Variants in LRRC8D observed in about 807,000 individuals in gnomAD.
LRRC8D encodes leucine rich repeat containing 8 VRAC subunit D.
In LRRC8D, 20 loss-of-function variants were observed where a neutral mutation model predicts 55.8. The observed-to-expected ratio is 0.36, with a 90% CI of 0.25 to 0.52. The LOEUF (loss-of-function observed/expected upper bound fraction) is 0.52. LRRC8D is among the 20% of genes least tolerant of loss of function. The probability of loss-of-function intolerance (pLI) is 0.93; values close to 1 mark genes in which losing one functional copy is unlikely to be tolerated. For missense variants in LRRC8D, 651 were observed against 1,030.8 expected, an observed-to-expected ratio of 0.63 and a Z score of 5.05; for synonymous variants, 352 against 377.0, an observed-to-expected ratio of 0.93 and a Z score of 0.77.
chr1:89,852,781 A>C (rs1265624929), intron 2 of LRRC8D, among the ~76,000 whole-genome samples: 2 of 152,148 alleles, frequency 1.3e-5, no homozygotes, highest in African/African-American at 4.8e-5. Flanking sequence ...CAGACTGAGG[A>C]AACAGCCCAG....
At chr1:89,846,039 A>G (rs1450409758) in intron 2 of LRRC8D, among the ~76,000 whole-genome samples, 2 of 152,142 alleles carry the variant, frequency 1.3e-5, no homozygotes, top group Non-Finnish European at 2.9e-5. Context: ...TCGGCCTCCC[A>G]AAGTGCTGGG....
chr1:89,870,470 T>C (rs1661978047), intron 2 of LRRC8D, among the ~76,000 whole-genome samples: 1 of 151,848 alleles, frequency 6.6e-6, no homozygotes, highest in African/African-American at 2.4e-5. Context: ...AGCGAGACCC[T>C]GTATCAAAAA....
At chr1:89,893,807 GT>G (rs1248514479) in intron 2 of LRRC8D, among the ~76,000 whole-genome samples, 2 of 152,204 alleles carry the variant, frequency 1.3e-5, no homozygotes, top group Admixed American at 6.5e-5. Flanking sequence ...AAACTAAAGA[GT>G]TTTTTAGATG....
chr1:89,933,723 G>A lies in LRRC8D; in HGVS notation c.655G>A (p.Glu219Lys), dbSNP rs1290881348. 3.1e-6 allele frequency: 5 copies of A among 1,614,134 alleles called. No homozygotes were observed. Among genetic ancestry groups the A allele is most frequent in the South Asian group, 2.2e-5 (2 of 91,078 alleles). Reference protein sequence around the residue: ...TTKALSETACEDSEENKQRIT... With the variant: ...TTKALSETACKDSEENKQRIT... ...AAAAGCGTTGTCTGAGACAGCATGC[G>A]AAGACTCAGAGGAAAACAAGCAGAG... The change falls in exon 3 of 3, where the codon GAA becomes AAA. Residue 219 changes from glutamate to lysine, a missense_variant. This residue lies in a region of LRRC8D where 178 missense variants were observed against 374.9 expected (regional missense o/e 0.47). Coordinates refer to ENST00000337338, the MANE Select transcript of LRRC8D (RefSeq NM_001134479.2). This position sits in a 1 kb window ranked among gnomAD's most constrained non-coding sequence, Gnocchi z 7.0.
chr1:89,823,949 C>G (rs1197519758), intron 1 of LRRC8D, among the ~76,000 whole-genome samples: 2 of 152,140 alleles, frequency 1.3e-5, no homozygotes, highest in Non-Finnish European at 2.9e-5. Flanking sequence ...GAACCTAGTT[C>G]GTGAAAAACT....
intron 2 of LRRC8D, among the ~76,000 whole-genome samples, chr1:89,905,738 A>G (rs1400764389): frequency 6.6e-6 from 1 of 152,186 alleles, no homozygotes; most frequent in Non-Finnish European, 1.5e-5. Context: ...CCTGCAGGGG[A>G]AAGCTGCTTT....
chr1:89,836,097 C>CAGTT (rs1456989905), intron 1 of LRRC8D, among the ~76,000 whole-genome samples: 1 of 152,170 alleles, frequency 6.6e-6, no homozygotes, highest in Non-Finnish European at 1.5e-5. Flanking sequence ...GCTAATAGTG[C>CAGTT]AGTTCTTCAG....
intron 2 of LRRC8D, among the ~76,000 whole-genome samples, chr1:89,912,857 CCA>C (rs1331448703): frequency 2.6e-5 from 4 of 152,226 alleles, no homozygotes; most frequent in Admixed American, 2.0e-4. Flanking sequence ...ATAAGTCTGT[CCA>C]AATCTATTTC....
chr1:89,837,405 A>G (rs1024846568), intron 1 of LRRC8D, among the ~76,000 whole-genome samples: 5 of 152,142 alleles, frequency 3.3e-5, no homozygotes, highest in Non-Finnish European at 7.4e-5. Flanking sequence ...CTTCTGCTGT[A>G]TTTATGGCAC....
chr1:89,934,018 C>G lies in LRRC8D; in HGVS notation c.950C>G (p.Ala317Gly). The G allele has an allele frequency of 1.2e-6, 2 of 1,614,166 alleles. No individual in the cohort carries two copies. Among genetic ancestry groups the G allele is most frequent in the Non-Finnish European group, 1.7e-6 (2 of 1,180,034 alleles). Residue 317 changes from alanine (A) to glycine (G), a missense_variant, in exon 3 of 3, where the codon GCC (alanine) becomes GGC (glycine). Physicochemically the swap from Ala to Gly is moderately conservative, Grantham distance 60. Around this residue, in one of 5 missense-constraint regions of LRRC8D, gnomAD observed 178 missense variants for 374.9 expected, o/e 0.47. Transcript: ENST00000337338. The surrounding 1 kb of genome is among the most constrained non-coding windows in gnomAD (Gnocchi z 5.9). ...LYVVQTVIKTAKFIFILCYTA... is the reference protein window; with the variant it reads ...LYVVQTVIKTGKFIFILCYTA... ...GTGGTCCAAACAGTTATCAAAACAG[C>G]CAAGTTCATTTTTATTCTCTGCTAT...
At chr1:89,909,865 CAAAAAA>C (rs199845267) in intron 2 of LRRC8D, among the ~76,000 whole-genome samples, 2 of 93,882 alleles carry the variant, frequency 2.1e-5, no homozygotes, top group African/African-American at 8.2e-5. Flanking sequence ...GACTCCGTCT[CAAAAAA>C]AAAAAAAAAA....
Position 89,821,169 on chromosome 1 carries a change from C to A in LRRC8D, c.-270C>A. 6.6e-6 allele frequency: 1 copy of A among 152,190 alleles called. No homozygotes were observed. The highest frequency in any genetic ancestry group is 1.9e-4 in the South Asian group (1 of 5,220). 9.4% of individuals were successfully genotyped at this position (152,190 alleles called of 1,614,324 possible). ...GCGGGCGGGGCCGCGGGAGCAGGGTCCAGGGTGCAGCGCGCCTTCGCCGCC... is the reference window on the plus strand; with the variant it reads ...GCGGGCGGGGCCGCGGGAGCAGGGTACAGGGTGCAGCGCGCCTTCGCCGCC... On this transcript the variant is annotated 5_prime_UTR_variant, in exon 1 of 3. Coordinates refer to ENST00000337338, the MANE Select transcript of LRRC8D (RefSeq NM_001134479.2).
chr1:89,893,190 C>G (rs1662622793), intron 2 of LRRC8D, among the ~76,000 whole-genome samples: 1 of 152,072 alleles, frequency 6.6e-6, no homozygotes, highest in African/African-American at 2.4e-5. Context: ...GAAGAGGTGC[C>G]AGCTGAGCTA....
chr1:89,898,620 G>A (rs1178796402), intron 2 of LRRC8D, among the ~76,000 whole-genome samples: 7 of 152,132 alleles, frequency 4.6e-5, no homozygotes, highest in South Asian at 2.1e-4. Context: ...AGGAGAGATC[G>A]GTTAATTTCA....
intron 2 of LRRC8D, among the ~76,000 whole-genome samples, chr1:89,912,556 T>C (rs1663161699): frequency 6.6e-6 from 1 of 152,204 alleles, no homozygotes; most frequent in Non-Finnish European, 1.5e-5. Context: ...TTCCTTTTCT[T>C]TGAGACAGCC....
intron 2 of LRRC8D, among the ~76,000 whole-genome samples, chr1:89,901,748 T>C (rs1383419768): frequency 6.6e-6 from 1 of 152,338 alleles, no homozygotes; most frequent in East Asian, 1.9e-4. Flanking sequence ...AATAAAGCCG[T>C]GATCATGAGA....
intron 1 of LRRC8D, among the ~76,000 whole-genome samples, chr1:89,825,587 C>T (rs1464688314): frequency 6.6e-6 from 1 of 152,116 alleles, no homozygotes; most frequent in East Asian, 1.9e-4. Flanking sequence ...TGCTAATATG[C>T]CTCAAATATT....
intron 1 of LRRC8D, among the ~76,000 whole-genome samples, chr1:89,821,643 A>G (rs1660635616): frequency 1.3e-5 from 2 of 152,172 alleles, no homozygotes. Context: ...CCTATCGGAA[A>G]GGCGGGGAGA....
chr1:89,889,227 C>CT (rs897346299), intron 2 of LRRC8D, among the ~76,000 whole-genome samples: 1 of 152,152 alleles, frequency 6.6e-6, no homozygotes, highest in African/African-American at 2.4e-5. Context: ...AAGCATGAGA[C>CT]TAATTCCAGT....
Sources: gnomAD v4.1 joint callset for allele counts (sites outside exome capture counted in the v4.1 genomes callset) on GRCh38, gnomAD v4.1.1 for gene constraint, gnomAD v4.1.1 regional missense constraint, Gnocchi (gnomAD v3.1) non-coding constraint, MANE v1.5 for transcripts, NCBI Gene and HGNC (gene_info 2026-07-23, HGNC 2026-07-21) for gene names.